Variants in NBAS observed in about 807,000 individuals in gnomAD.
The protein encoded by NBAS is NAG/BC035112 fusion.
A neutral mutation model predicts 302.5 loss-of-function variants in NBAS; 219 were observed. The observed-to-expected ratio is 0.72, with a 90% CI of 0.65 to 0.81. The LOEUF is 0.81. Among genes scored for constraint, NBAS ranks in the 30% least tolerant of loss-of-function variants. The pLI is 0.00. For synonymous variants in NBAS, 1,118 were observed against 1,021.6 expected (o/e 1.09, Z -1.80); for missense variants, 2,932 against 2,841.6 (o/e 1.03, Z -0.72).
the NBAS span, among the ~76,000 whole-genome samples, chr2:14,846,678 G>C: frequency 6.6e-6 from 1 of 151,826 alleles, no homozygotes; most frequent in South Asian, 2.1e-4. Context: ...GAAAAGTGGG[G>C]GTAAAGTTAT....
At chr2:15,011,491 C>T in the NBAS span, among the ~76,000 whole-genome samples, 1 of 152,176 alleles carries the variant, frequency 6.6e-6, no homozygotes, top group Non-Finnish European at 1.5e-5. Flanking sequence ...ACCCATGGGC[C>T]ATCCCTGATA....
chr2:14,914,483 G>A, the NBAS span, among the ~76,000 whole-genome samples: 2 of 152,158 alleles, frequency 1.3e-5, no homozygotes, highest in African/African-American at 4.8e-5. Flanking sequence ...TCTATGGACT[G>A]GCAGAGAGCT....
intron 12 of NBAS, among the ~76,000 whole-genome samples, chr2:15,488,687 T>C (rs1318245897): frequency 2.0e-5 from 3 of 152,168 alleles, no homozygotes; most frequent in South Asian, 2.1e-4. Context: ...ATACAGAGTG[T>C]ACCACACTAC....
chr2:15,403,993 G>A (rs1019232042), intron 25 of NBAS, among the ~76,000 whole-genome samples: 7 of 149,754 alleles, frequency 4.7e-5, no homozygotes, highest in South Asian at 2.1e-4. Flanking sequence ...CTCCTGCCTC[G>A]ACTTCCCAAA....
chr2:14,823,962 C>A, the NBAS span, among the ~76,000 whole-genome samples: 57 of 152,168 alleles, frequency 3.7e-4, no homozygotes, highest in Non-Finnish European at 6.5e-4. Flanking sequence ...CTGATACTTT[C>A]CCCAACCTGC....
chr2:15,120,222 C>T, the NBAS span, among the ~76,000 whole-genome samples: 6 of 152,302 alleles, frequency 3.9e-5, no homozygotes, highest in Admixed American at 3.9e-4. Context: ...AAACAATAAA[C>T]ACATTTCTTC....
chr2:15,439,670 AGC>A (rs1289561990), intron 21 of NBAS, among the ~76,000 whole-genome samples: 1 of 152,130 alleles, frequency 6.6e-6, no homozygotes, highest in Non-Finnish European at 1.5e-5. Context: ...CAGTGGGTGC[AGC>A]GCGCCGTGCA....
At chr2:15,461,361 T>C (rs1219306424) in intron 20 of NBAS, 24 bp from the exon 21 acceptor site, 1 of 1,606,958 alleles carries the variant, frequency 6.2e-7, no homozygotes, top group African/African-American at 1.3e-5. Flanking sequence ...AAGGGGTAAG[T>C]TTCTAATGTA....
At chr2:15,533,706 G>A (rs1272252534) in intron 9 of NBAS, among the ~76,000 whole-genome samples, 1 of 150,490 alleles carries the variant, frequency 6.6e-6, no homozygotes, top group Non-Finnish European at 1.5e-5. Context: ...GTGTGTGTGT[G>A]TGTGTGTGTG....
the NBAS span, among the ~76,000 whole-genome samples, chr2:15,158,918 C>T: frequency 1.3e-5 from 2 of 152,224 alleles, no homozygotes; most frequent in African/African-American, 4.8e-5. Flanking sequence ...ACCCTGCTGT[C>T]TGTGGCTGGT....
At chr2:15,232,322 G>T in intron 47 of NBAS, 100 bp downstream of exon 47, 1 of 1,090,404 alleles carries the variant, frequency 9.2e-7, no homozygotes, top group Non-Finnish European at 1.4e-6. Flanking sequence ...CTAAAAATGT[G>T]GCTTAGTCTT....
intron 23 of NBAS, among the ~76,000 whole-genome samples, chr2:15,422,940 C>G (rs1216353109): frequency 1.3e-5 from 2 of 152,170 alleles, no homozygotes; most frequent in African/African-American, 4.8e-5. Context: ...CCAGAGATAA[C>G]AGCAAAACAC....
At chr2:15,201,640 T>C (rs1340351093) in intron 48 of NBAS, among the ~76,000 whole-genome samples, 1 of 152,266 alleles carries the variant, frequency 6.6e-6, no homozygotes, top group Non-Finnish European at 1.5e-5. Flanking sequence ...TGATATGTTC[T>C]ATTTTTGTTC....
chr2:14,902,545 G>A, the NBAS span, among the ~76,000 whole-genome samples: 2,788 of 152,314 alleles, frequency 0.018, 84 homozygotes, highest in African/African-American at 0.061. Context: ...AGACCCATGT[G>A]TAGAATATCT....
intron 25 of NBAS, among the ~76,000 whole-genome samples, chr2:15,404,484 A>G (rs1462910489): frequency 6.6e-6 from 1 of 151,686 alleles, no homozygotes; most frequent in Non-Finnish European, 1.5e-5. Context: ...TCCCTCTGTG[A>G]GACATTAAAT....
intron 3 of NBAS, among the ~76,000 whole-genome samples, chr2:15,555,931 G>A (rs528813781): frequency 2.0e-5 from 3 of 152,180 alleles, no homozygotes; most frequent in South Asian, 2.1e-4. Context: ...ACAAGCTGTC[G>A]CCTAGAGAAG....
rs1222251254 is a variant in NBAS, at chr2:15,304,569, G to A, written c.4797+3647C>T. 2.0e-5 allele frequency among the ~76,000 whole-genome samples: 3 copies of A among 152,362 alleles called. No homozygotes were observed. In the East Asian group the frequency reaches 5.8e-4, roughly 29 times the overall value. ...AGACAGAAAGATGTGGAAGGGTTTA[G>A]AAGTTCCTAGAGACTTGTTGAATGA... On this transcript the variant is annotated intron_variant, in intron 40 of 51. Transcript: ENST00000281513.
chr2:15,062,711 G>T, the NBAS span, among the ~76,000 whole-genome samples: 1 of 152,124 alleles, frequency 6.6e-6, no homozygotes, highest in Non-Finnish European at 1.5e-5. Flanking sequence ...CCTAAACTCT[G>T]ATTAACATTC....
chr2:15,021,432 A>G, the NBAS span, among the ~76,000 whole-genome samples: 3 of 152,148 alleles, frequency 2.0e-5, no homozygotes, highest in Non-Finnish European at 4.4e-5. Context: ...GAGGAGATGC[A>G]TTATCATGTG....
Sources: allele counts gnomAD v4.1 joint callset (sites outside exome capture counted in the v4.1 genomes callset), GRCh38; gene constraint gnomAD v4.1.1; transcripts MANE v1.5; gene names NCBI Gene and HGNC (gene_info 2026-07-23, HGNC 2026-07-21).